GRAMD1C: variants seen among roughly 807,000 people sequenced by gnomAD.
GRAMD1C encodes protein Aster-C.
In GRAMD1C, 89 loss-of-function variants were observed where a neutral mutation model predicts 97.8. The ratio of observed to expected loss-of-function variants is 0.91; its 90% CI spans 0.77 to 1.09. The LOEUF is 1.09. Ranked by LOEUF, GRAMD1C falls within the 50% of genes least tolerant of loss-of-function variation. The probability of loss-of-function intolerance (pLI) is 0.00; values close to 1 mark genes in which losing one functional copy is unlikely to be tolerated. For missense variants in GRAMD1C, 740 were observed against 766.4 expected, an observed-to-expected ratio of 0.97 and a Z score of 0.41; for synonymous variants, 256 against 267.0, an observed-to-expected ratio of 0.96 and a Z score of 0.40.
intron 1 of GRAMD1C, among the ~76,000 whole-genome samples, chr3:113,832,578 C>G (rs1390699658): frequency 6.6e-6 from 1 of 152,014 alleles, no homozygotes; most frequent in Non-Finnish European, 1.5e-5. Flanking sequence ...AACTTTGAAC[C>G]AGTTAAATAA....
intron 10 of GRAMD1C, among the ~76,000 whole-genome samples, chr3:113,916,454 A>G (rs1469703058): frequency 6.6e-6 from 1 of 152,266 alleles, no homozygotes; most frequent in Non-Finnish European, 1.5e-5. Flanking sequence ...TTGTAACAAT[A>G]TGAGTAGAAC....
chr3:113,883,840 A>G (rs1017718778), intron 6 of GRAMD1C, among the ~76,000 whole-genome samples: 1 of 152,132 alleles, frequency 6.6e-6, no homozygotes, highest in Non-Finnish European at 1.5e-5. Context: ...AAGGGAAACT[A>G]ACAATTCAAC....
At position 113,947,073 on chromosome 3, in the gene GRAMD1C, T is replaced by C. The variant is rs1319351808; in HGVS notation, c.*1595T>C. On this transcript the variant is annotated 3_prime_UTR_variant, in exon 18 of 18. Coordinates refer to ENST00000358160, the MANE Select transcript of GRAMD1C (RefSeq NM_017577.5). Reference sequence around the variant, plus strand: ...TTCAAGGAAGAGTATCGAAGTAAGTTGCTTTATAAATTAAGACTAAATTCG... The same window carrying C: ...TTCAAGGAAGAGTATCGAAGTAAGTCGCTTTATAAATTAAGACTAAATTCG... 6.6e-6 allele frequency: 1 copy of C among 152,262 alleles called. No individual in the cohort carries two copies. Among genetic ancestry groups the C allele is most frequent in the Admixed American group, 6.5e-5 (1 of 15,288 alleles). 9.4% of individuals were successfully genotyped at this position (152,262 alleles called of 1,614,324 possible).
chr3:113,876,253 G>T lies in GRAMD1C; in HGVS notation c.452G>T (p.Ser151Ile). The T allele has an allele frequency of 6.5e-7, 1 of 1,536,274 alleles. No individual in the cohort carries two copies. The highest frequency in any genetic ancestry group is 1.1e-5 in the South Asian group (1 of 88,292). Residue 151 changes from serine (S) to isoleucine (I), a missense_variant, in exon 5 of 18, where the codon AGT becomes ATT. Ser to Ile is a moderately radical substitution (Grantham distance 142). Transcript: ENST00000358160. ...IPNAIQIVTE[S>I]EKFFFTSFGA... ...AACGCTATCCAGATAGTTACAGAAAGTGAAAAGGTGAAAACTTTCCTATCT... is the reference window on the plus strand; with the variant it reads ...AACGCTATCCAGATAGTTACAGAAATTGAAAAGGTGAAAACTTTCCTATCT...
intron 10 of GRAMD1C, among the ~76,000 whole-genome samples, chr3:113,927,926 A>G (rs1937284049): frequency 6.6e-6 from 1 of 152,196 alleles, no homozygotes. Flanking sequence ...CAAGGCTTAT[A>G]GAGGTCCCCA....
At chr3:113,891,487 TA>T (rs1028151860) in intron 6 of GRAMD1C, among the ~76,000 whole-genome samples, 1 of 151,374 alleles carries the variant, frequency 6.6e-6, no homozygotes, top group Middle Eastern at 3.2e-3. Context: ...GTAATACTCT[TA>T]AAAAAAGATA....
At chr3:113,914,480 A>G (rs1936727434) in intron 9 of GRAMD1C, among the ~76,000 whole-genome samples, 1 of 152,144 alleles carries the variant, frequency 6.6e-6, no homozygotes, top group East Asian at 1.9e-4. Context: ...AACCTGACTA[A>G]TATTGACAGA....
chr3:113,828,379 C>G (rs1709514362), intron 1 of GRAMD1C: 1 of 152,204 alleles, frequency 6.6e-6, no homozygotes, highest in African/African-American at 2.4e-5. Flanking sequence ...AGCCCATGAG[C>G]TAGAACTGAG....
At chr3:113,909,858 T>C (rs1182099309) in intron 9 of GRAMD1C, among the ~76,000 whole-genome samples, 1 of 152,184 alleles carries the variant, frequency 6.6e-6, no homozygotes, top group Non-Finnish European at 1.5e-5. Flanking sequence ...AATTTCTTTG[T>C]GTGAAGATGC....
At position 113,937,091 on chromosome 3, in the gene GRAMD1C, T is replaced by C. The variant is rs565505087; in HGVS notation, c.1633+649T>C. 4.6e-5 allele frequency among the ~76,000 whole-genome samples: 7 copies of C among 152,356 alleles called. No homozygotes were observed. In the South Asian group the frequency reaches 1.4e-3, roughly 32 times the overall value. The stretch of plus-strand genomic sequence containing the variant: ...ATTCAATTTCTACGTTTGAGTGTAC[T>C]GCTCTCTTAATCCTTATATACTGTC... On this transcript the variant is annotated intron_variant, in intron 14 of 17. Transcript: ENST00000358160.
intron 5 of GRAMD1C, among the ~76,000 whole-genome samples, chr3:113,879,243 T>G (rs955342359): frequency 2.6e-5 from 4 of 151,902 alleles, no homozygotes; most frequent in African/African-American, 9.7e-5. Context: ...CCGACTCTCT[T>G]TATCCTGCTT....
At chr3:113,913,801 T>A (rs1031294022) in intron 9 of GRAMD1C, among the ~76,000 whole-genome samples, 1 of 152,222 alleles carries the variant, frequency 6.6e-6, no homozygotes. Context: ...TCTGTGTTTT[T>A]ACTTTTTTAA....
chr3:113,885,429 T>C, intron 6 of GRAMD1C: 1 of 1,570,970 alleles, frequency 6.4e-7, no homozygotes, highest in Non-Finnish European at 8.8e-7. Flanking sequence ...TTCGATATGA[T>C]ATCCTCCCCT....
intron 6 of GRAMD1C, among the ~76,000 whole-genome samples, chr3:113,886,869 A>C (rs187343239): frequency 3.5e-4 from 49 of 140,166 alleles, no homozygotes; most frequent in African/African-American, 9.6e-4. Flanking sequence ...GCAACCTCCA[A>C]CTCCCTGGTT....
chr3:113,869,199 C>G (rs950213239), intron 2 of GRAMD1C, among the ~76,000 whole-genome samples: 4 of 152,108 alleles, frequency 2.6e-5, no homozygotes, highest in African/African-American at 7.2e-5. Flanking sequence ...AGTGGATTTT[C>G]ATGAACAAAT....
chr3:113,887,416 T>C lies in GRAMD1C; in HGVS notation c.540+4584T>C, dbSNP rs532182827. Reference sequence around the variant, plus strand: ...CCAAAAGTTGCTTCTTTATAAAAAATGAGGCCGGGCACTGTGGCTTACGCC... The same window carrying C: ...CCAAAAGTTGCTTCTTTATAAAAAACGAGGCCGGGCACTGTGGCTTACGCC... On this transcript the variant is annotated intron_variant, in intron 6 of 17. Coordinates refer to ENST00000358160, the MANE Select transcript of GRAMD1C (RefSeq NM_017577.5). Among the ~76,000 whole-genome samples, 28 of 150,396 alleles carry C rather than the reference T, an allele frequency of 1.9e-4. No individual in the cohort carries two copies. The South Asian group carries it at 6.0e-3, about 32-fold the overall frequency.
chr3:113,897,541 C>A, intron 6 of GRAMD1C: 1 of 983,876 alleles, frequency 1.0e-6, no homozygotes, highest in Non-Finnish European at 1.2e-6. Flanking sequence ...GTACTACAAC[C>A]AGGAAGTGAC....
intron 6 of GRAMD1C, among the ~76,000 whole-genome samples, chr3:113,894,286 G>GT (rs960920976): frequency 2.1e-4 from 31 of 148,054 alleles, no homozygotes; most frequent in Admixed American, 2.7e-4. Context: ...TTGTACTGTT[G>GT]TTTTTTTTTT....
intron 1 of GRAMD1C, among the ~76,000 whole-genome samples, chr3:113,828,808 T>C (rs955988976): frequency 6.6e-6 from 1 of 152,106 alleles, no homozygotes; most frequent in African/African-American, 2.4e-5. Context: ...GCCCCAACAA[T>C]CTGAACCACC....
Sources: allele counts gnomAD v4.1 joint callset (sites outside exome capture counted in the v4.1 genomes callset), GRCh38; gene constraint gnomAD v4.1.1; transcripts MANE v1.5; gene names NCBI Gene and HGNC (gene_info 2026-07-23, HGNC 2026-07-21).